The following SEPTIN7 variants were observed in gnomAD, a reference collection of about 807,000 sequenced individuals.
SEPTIN7 encodes septin-7.
Under a neutral mutation model 63.3 loss-of-function variants are expected in SEPTIN7, and 10 were observed. The observed-to-expected ratio is 0.16, with a 90% CI of 0.10 to 0.27. SEPTIN7 has a LOEUF of 0.27. SEPTIN7 is among the 10% of genes least tolerant of loss of function. SEPTIN7 has a pLI of 1.00. For missense variants in SEPTIN7, 310 were observed against 521.0 expected (o/e 0.59, Z 3.94); for synonymous variants, 131 against 165.3 (o/e 0.79, Z 1.59).
At chr7:35,880,507 A>AT (rs1271446657) in intron 7 of SEPTIN7, among the ~76,000 whole-genome samples, 1 of 151,458 alleles carries the variant, frequency 6.6e-6, no homozygotes, top group Non-Finnish European at 1.5e-5. Context: ...AAACAAAGTC[A>AT]TTTTTTTCCC....
At chr7:35,849,164 T>G (rs1438331843) in intron 3 of SEPTIN7, among the ~76,000 whole-genome samples, 1 of 152,198 alleles carries the variant, frequency 6.6e-6, no homozygotes, top group Non-Finnish European at 1.5e-5. Flanking sequence ...CCTAATAGAT[T>G]TTGTGGAAAT....
chr7:35,807,312 T>C (rs1788409301), intron 1 of SEPTIN7, among the ~76,000 whole-genome samples: 1 of 148,872 alleles, frequency 6.7e-6, no homozygotes, highest in East Asian at 2.0e-4. Context: ...GCCTCCCGAG[T>C]AGCTGGGATT....
chr7:35,887,622 C>A lies in SEPTIN7; in HGVS notation c.872+1743C>A, dbSNP rs114686911. Reference sequence around the variant, plus strand: ...TCAGCCTCCCACAGTGCTGGGATTACGGGCTTGAGCCACCACACCCACCCA... The same window carrying A: ...TCAGCCTCCCACAGTGCTGGGATTAAGGGCTTGAGCCACCACACCCACCCA... On this transcript the variant is annotated intron_variant, in intron 10 of 13. Coordinates refer to ENST00000350320, the MANE Select transcript of SEPTIN7 (RefSeq NM_001788.6). 1.6e-4 allele frequency among the ~76,000 whole-genome samples: 24 copies of A among 152,294 alleles called. No homozygotes were observed. In the East Asian group the frequency reaches 1.9e-3, roughly 12 times the overall value.
chr7:35,848,507 T>G (rs1784807210), intron 3 of SEPTIN7, among the ~76,000 whole-genome samples: 1 of 152,048 alleles, frequency 6.6e-6, no homozygotes. Flanking sequence ...CCTGACCTCG[T>G]GATCCACCCA....
At chr7:35,874,629 C>A (rs759319811) in intron 6 of SEPTIN7, among the ~76,000 whole-genome samples, 3 of 152,076 alleles carry the variant, frequency 2.0e-5, no homozygotes, top group Non-Finnish European at 4.4e-5. Context: ...AAACCAATTC[C>A]TTCAAGTATA....
chr7:35,833,927 A>G (rs998323214), intron 3 of SEPTIN7, among the ~76,000 whole-genome samples: 6 of 152,014 alleles, frequency 3.9e-5, no homozygotes, highest in Non-Finnish European at 5.9e-5. Context: ...AGTTGTATAC[A>G]TCGTCAGAGT....
At chr7:35,899,813 G>T (rs35292229) in intron 12 of SEPTIN7, 4,566 of 152,458 alleles carry the variant, frequency 0.03, 87 homozygotes, top group Non-Finnish European at 0.045. Context: ...GAGCCTGGGA[G>T]ATAGAGGCTG....
chr7:35,877,139 C>T (rs1299681827), intron 6 of SEPTIN7, among the ~76,000 whole-genome samples: 2 of 151,974 alleles, frequency 1.3e-5, no homozygotes, highest in African/African-American at 4.8e-5. Context: ...TGGATAGGTT[C>T]TTTTAGTTAA....
chr7:35,803,302 C>T (rs1009488332), intron 1 of SEPTIN7, among the ~76,000 whole-genome samples: 1 of 152,082 alleles, frequency 6.6e-6, no homozygotes, highest in African/African-American at 2.4e-5. Flanking sequence ...TAAATCCATG[C>T]CAGAACTTCT....
Position 35,827,052 on chromosome 7 carries a change from A to C in SEPTIN7, c.62-4440A>C, listed in dbSNP as rs1783552388. On this transcript the variant is annotated intron_variant, in intron 1 of 13. Coordinates refer to ENST00000350320, the MANE Select transcript of SEPTIN7 (RefSeq NM_001788.6). Reference sequence around the variant, plus strand: ...ATATTGTATTTAAGTTGATTTTTCCATCAAACAGTGGAGTTACCGTAGTTT... The same window carrying C: ...ATATTGTATTTAAGTTGATTTTTCCCTCAAACAGTGGAGTTACCGTAGTTT... 3.9e-5 allele frequency among the ~76,000 whole-genome samples: 6 copies of C among 152,204 alleles called. 1 individual carries two copies. Among genetic ancestry groups the C allele is most frequent in the Admixed American group, 3.3e-4 (5 of 15,276 alleles).
intron 1 of SEPTIN7, among the ~76,000 whole-genome samples, chr7:35,811,389 C>G (rs948250089): frequency 6.6e-6 from 1 of 152,044 alleles, no homozygotes; most frequent in African/African-American, 2.4e-5. Flanking sequence ...TTATGATTAA[C>G]TTAAACAAAT....
chr7:35,818,047 A>G (rs1412490508), intron 1 of SEPTIN7, among the ~76,000 whole-genome samples: 1 of 152,042 alleles, frequency 6.6e-6, no homozygotes, highest in Non-Finnish European at 1.5e-5. Context: ...AGGAGTAGCA[A>G]TGATAGACAT....
chr7:35,910,263 C>T (rs1304795013), downstream of SEPTIN7, among the ~76,000 whole-genome samples: 5 of 152,124 alleles, frequency 3.3e-5, no homozygotes, highest in African/African-American at 9.7e-5. Context: ...CAAGAGCGGG[C>T]GTACTAAATA....
chr7:35,812,139 A>C (rs949273500), intron 1 of SEPTIN7: 23 of 193,714 alleles, frequency 1.2e-4, no homozygotes, highest in East Asian at 3.5e-4. Context: ...AAAAAAAAAA[A>C]AAACAAAAAA....
chr7:35,840,605 C>T (rs150908161), intron 3 of SEPTIN7, among the ~76,000 whole-genome samples: 63 of 151,632 alleles, frequency 4.2e-4, no homozygotes, highest in African/African-American at 1.5e-3. Flanking sequence ...AAAGTTTATG[C>T]TACTAAAGAT....
intron 3 of SEPTIN7, among the ~76,000 whole-genome samples, chr7:35,835,655 AAGAG>A (rs1784049479): frequency 6.6e-6 from 1 of 152,192 alleles, no homozygotes; most frequent in Non-Finnish European, 1.5e-5. Flanking sequence ...AATTCAGTGA[AAGAG>A]AGAATGAATG....
In SEPTIN7 at chr7:35,833,008, A is replaced by C. The variant is rs375654586; in HGVS notation, c.169+108A>C. ...TGGCACAGATATCTACAGTGATCAT[A>C]TCTTTGTTGTATTTTCTCTTATGTG... On this transcript the variant is annotated intron_variant, in intron 3 of 13. Coordinates refer to ENST00000350320, the MANE Select transcript of SEPTIN7 (RefSeq NM_001788.6). The C allele has an allele frequency of 1.2e-4, 78 of 675,342 alleles. No individual in the cohort carries two copies. The Middle Eastern group carries it at 1.6e-3, about 14-fold the overall frequency. The allele number at this position is 675,342 out of a possible 1,614,324, so 41.8% of individuals were successfully genotyped here.
intron 11 of SEPTIN7, among the ~76,000 whole-genome samples, chr7:35,891,819 TG>T (rs1252778922): frequency 2.0e-5 from 3 of 152,234 alleles, no homozygotes; most frequent in Non-Finnish European, 4.4e-5. Context: ...TTGGTTCTTT[TG>T]TAGTAACACT....
At chr7:35,898,439 A>G in intron 12 of SEPTIN7, 56 bp downstream of exon 12, 3 of 1,136,212 alleles carry the variant, frequency 2.6e-6, no homozygotes, top group Non-Finnish European at 3.7e-6. Flanking sequence ...TTTAAGTAGT[A>G]TCTTCAGTAA....
Sources: gnomAD v4.1 joint callset for allele counts (sites outside exome capture counted in the v4.1 genomes callset) on GRCh38, gnomAD v4.1.1 for gene constraint, MANE v1.5 for transcripts, NCBI Gene and HGNC (gene_info 2026-07-23, HGNC 2026-07-21) for gene names.